The following PCDH10 variants were observed in gnomAD, a reference collection of about 807,000 sequenced individuals.
PCDH10 encodes protocadherin-10.
PCDH10 carries 15 observed loss-of-function variants against 74.4 expected under a neutral mutation model. The ratio of observed to expected loss-of-function variants is 0.20; its 90% CI spans 0.13 to 0.31. The LOEUF (loss-of-function observed/expected upper bound fraction) is 0.31. Among genes scored for constraint, PCDH10 ranks in the 10% least tolerant of loss-of-function variants. The pLI is 1.00. For synonymous variants in PCDH10, 619 were observed against 589.8 expected (o/e 1.05, Z -0.72); for missense variants, 1,260 against 1,390.2 (o/e 0.91, Z 1.49).
downstream of PCDH10, among the ~76,000 whole-genome samples, chr4:133,197,430 A>T (rs1727818011): frequency 6.6e-6 from 1 of 152,146 alleles, no homozygotes; most frequent in Admixed American, 6.5e-5. Flanking sequence ...TCTGTTCCCT[A>T]GAGGTGTCCT....
intron 2 of PCDH10, among the ~76,000 whole-genome samples, chr4:133,203,220 A>G (rs566986954): frequency 6.6e-6 from 1 of 152,302 alleles, no homozygotes; most frequent in Non-Finnish European, 1.5e-5. Flanking sequence ...GAGATAGTAT[A>G]GACATTACAG....
At chr4:133,169,661 T>C (rs889499010) in intron 4 of PCDH10, among the ~76,000 whole-genome samples, 1 of 151,870 alleles carries the variant, frequency 6.6e-6, no homozygotes, top group Admixed American at 6.6e-5. Context: ...AAAAGAAATA[T>C]CTACTTGGGA....
At chr4:133,174,258 A>G (rs572802692) in intron 4 of PCDH10, among the ~76,000 whole-genome samples, 20 of 152,092 alleles carry the variant, frequency 1.3e-4, no homozygotes, top group African/African-American at 4.6e-4. Context: ...ACTTTGGAAG[A>G]TATAGAAAGC....
chr4:133,193,080 C>CA lies in PCDH10; in HGVS notation c.*2928dup, dbSNP rs149745379. The CA allele has an allele frequency of 1.3e-5, 2 of 151,040 alleles. No homozygotes were observed. Among genetic ancestry groups the CA allele is most frequent in the Non-Finnish European group, 3.0e-5 (2 of 67,464 alleles). 9.4% of individuals were successfully genotyped at this position (151,040 alleles called of 1,614,324 possible). On this transcript the variant is annotated 3_prime_UTR_variant, in exon 5 of 5. Coordinates refer to ENST00000264360, the MANE Select transcript of PCDH10 (RefSeq NM_032961.3). ...TGGTTAGTTTTAGAGCAGTCAAAGT[C>CA]AAAAAAAATTTCCTGTGGAAACAGT...
intron 4 of PCDH10, among the ~76,000 whole-genome samples, chr4:133,182,892 T>C (rs770464802): frequency 6.6e-6 from 1 of 152,112 alleles, no homozygotes; most frequent in African/African-American, 2.4e-5. Context: ...TTGAACTAAG[T>C]TGAAGAACGT....
chr4:133,176,407 C>T (rs1727297833), intron 4 of PCDH10, among the ~76,000 whole-genome samples: 1 of 152,128 alleles, frequency 6.6e-6, no homozygotes, highest in Non-Finnish European at 1.5e-5. Flanking sequence ...ATATTTAAAG[C>T]AGTGAGTGCC....
In PCDH10 at chr4:133,150,909, G is replaced by C. The variant is rs2125857568; in HGVS notation, c.769G>C (p.Val257Leu). The change falls in exon 1 of 5, where the codon GTG becomes CTG. Residue 257 changes from valine (V) to leucine (L), a missense_variant. This residue lies in a region of PCDH10 where 192 missense variants were observed against 161.2 expected (regional missense o/e 1.19). Transcript: ENST00000264360. ...CGCTTTCGACCAACCCGTCTACACT[G>C]TGTCCCTACCAGAGAACTCTCCCCC... ...VPAFDQPVYT[V>L]SLPENSPPGT... 6.2e-7 allele frequency: 1 copy of C among 1,613,600 alleles called. No homozygotes were observed. The highest frequency in any genetic ancestry group is 8.5e-7 in the Non-Finnish European group (1 of 1,180,030).
chr4:133,150,502 C>T lies in PCDH10; in HGVS notation c.362C>T (p.Ser121Phe). The T allele has an allele frequency of 6.2e-7, 1 of 1,613,670 alleles. No individual in the cohort carries two copies. Among genetic ancestry groups the T allele is most frequent in the South Asian group, 1.1e-5 (1 of 91,048 alleles). Residue 121 changes from serine (S) to phenylalanine (F), a missense_variant, in exon 1 of 5, where the codon TCT becomes TTT. By Grantham distance (155) the Ser-to-Phe change is radical (BLOSUM62 -2). This residue lies in a region of PCDH10 where 63 missense variants were observed against 100.7 expected (regional missense o/e 0.63). Coordinates refer to ENST00000264360, the MANE Select transcript of PCDH10 (RefSeq NM_032961.3). The part of the protein sequence containing the change: ...EVLDINDNPP[S>F]FPEPDLTVEI... The stretch of plus-strand genomic sequence containing the variant: ...CTGGACATTAATGACAACCCCCCCT[C>T]TTTCCCGGAGCCAGACCTGACGGTG...
chr4:133,204,631 T>TGCCAAA (rs1190894568), intron 2 of PCDH10, among the ~76,000 whole-genome samples: 1 of 152,156 alleles, frequency 6.6e-6, no homozygotes, highest in Non-Finnish European at 1.5e-5. Context: ...TTTGTTCCAA[T>TGCCAAA]TTGGCCTTCC....
At chr4:133,156,893 C>T (rs1178987239) in intron 3 of PCDH10, among the ~76,000 whole-genome samples, 2 of 152,162 alleles carry the variant, frequency 1.3e-5, no homozygotes, top group Non-Finnish European at 2.9e-5. Flanking sequence ...TTCCCAGTAG[C>T]TACTTTATTT....
chr4:133,163,098 G>C lies in PCDH10; in HGVS notation c.2919G>C (p.Leu973=). Residue 973 remains leucine, a synonymous_variant, in exon 4 of 5, where the codon CTG becomes CTC. Coordinates refer to ENST00000264360, the MANE Select transcript of PCDH10 (RefSeq NM_032961.3). ...GRQAADYRSN[L]HVPGMDSVPD... ...AGGCTGCTGATTATCGCAGCAATCTGCATGTTCCTGGCATGGACTCTGTTC... is the reference window on the plus strand; with the variant it reads ...AGGCTGCTGATTATCGCAGCAATCTCCATGTTCCTGGCATGGACTCTGTTC... 6.2e-7 allele frequency: 1 copy of C among 1,614,148 alleles called. No individual in the cohort carries two copies. The highest frequency in any genetic ancestry group is 8.5e-7 in the Non-Finnish European group (1 of 1,180,024).
chr4:133,152,848 C>CT (rs1353569371), intron 1 of PCDH10, 77 bp downstream of exon 1: 2 of 1,581,306 alleles, frequency 1.3e-6, no homozygotes, highest in Admixed American at 3.6e-5. Flanking sequence ...CCTTGTATCT[C>CT]TGGTGCACTG....
intron 4 of PCDH10, among the ~76,000 whole-genome samples, chr4:133,172,499 C>A (rs752611401): frequency 5.3e-5 from 8 of 151,762 alleles, no homozygotes; most frequent in Admixed American, 2.6e-4. Flanking sequence ...GAAATGTTTA[C>A]AAAATGAGTA....
chr4:133,196,490 T>A (rs1727796761), downstream of PCDH10, among the ~76,000 whole-genome samples: 1 of 152,144 alleles, frequency 6.6e-6, no homozygotes, highest in African/African-American at 2.4e-5. Context: ...TCTCAAGCAG[T>A]GATCTTAGGT....
chr4:133,154,288 T>A lies in PCDH10; in HGVS notation c.2632-19T>A. ...CCCATAGCATTCAAATGCTCTTGAT[T>A]TATTTATTTTTTTCCTAGACTAAAC... On this transcript the variant is annotated intron_variant, in intron 1 of 4. Transcript: ENST00000264360. 6.3e-7 allele frequency: 1 copy of A among 1,576,158 alleles called. No individual in the cohort carries two copies. Among genetic ancestry groups the A allele is most frequent in the African/African-American group, 1.4e-5 (1 of 73,912 alleles).
intron 4 of PCDH10, among the ~76,000 whole-genome samples, chr4:133,188,825 C>G (rs961374272): frequency 1.3e-5 from 2 of 151,714 alleles, no homozygotes; most frequent in Non-Finnish European, 2.9e-5. Flanking sequence ...AGGCGCCCAC[C>G]ACCATGCCAG....
At chr4:133,205,976 C>T (rs900870028) in intron 2 of PCDH10, among the ~76,000 whole-genome samples, 1 of 152,110 alleles carries the variant, frequency 6.6e-6, no homozygotes, top group Non-Finnish European at 1.5e-5. Flanking sequence ...TGATACTTGG[C>T]TGTCAGCTCA....
chr4:133,188,180 A>T (rs559085137), intron 4 of PCDH10, among the ~76,000 whole-genome samples: 116 of 152,234 alleles, frequency 7.6e-4, no homozygotes, highest in African/African-American at 2.7e-3. Flanking sequence ...GTTGTCCAGA[A>T]AGCACAAAAT....
intron 2 of PCDH10, among the ~76,000 whole-genome samples, chr4:133,201,894 A>AT (rs1006798173): frequency 5.6e-5 from 8 of 142,846 alleles, no homozygotes; most frequent in African/African-American, 1.8e-4. Context: ...GTGCTTGGGG[A>AT]TCCCTAATAA....
Sources: gnomAD v4.1 joint callset for allele counts (sites outside exome capture counted in the v4.1 genomes callset) on GRCh38, gnomAD v4.1.1 for gene constraint, gnomAD v4.1.1 regional missense constraint, MANE v1.5 for transcripts, NCBI Gene and HGNC (gene_info 2026-07-23, HGNC 2026-07-21) for gene names.